Variants in HERC5 observed in about 807,000 individuals in gnomAD.
HERC5 encodes HECT and RLD domain containing E3 ubiquitin protein ligase 5, also known as E3 ISG15--protein ligase HERC5.
A neutral mutation model predicts 119.6 loss-of-function variants in HERC5; 99 were observed. The ratio of observed to expected loss-of-function variants is 0.83; its 90% CI spans 0.70 to 0.98. The LOEUF is 0.98. Among genes scored for constraint, HERC5 ranks in the 50% least tolerant of loss-of-function variants. The pLI is 0.00. For synonymous variants in HERC5, 478 were observed against 445.9 expected (o/e 1.07, Z -0.91); for missense variants, 1,267 against 1,241.3 (o/e 1.02, Z -0.31).
In HERC5 at chr4:88,457,256, C is replaced by T. The variant is rs1438844334; in HGVS notation, c.-14C>T. On this transcript the variant is annotated 5_prime_UTR_variant, in exon 1 of 23. Transcript: ENST00000264350. Reference sequence around the variant, plus strand: ...CTCCTCTCGCCTCTGGGCCTGGGACCCCGCAAAGCGGCGATGGAGCGGAGG... The same window carrying T: ...CTCCTCTCGCCTCTGGGCCTGGGACTCCGCAAAGCGGCGATGGAGCGGAGG... 2 of 1,323,852 alleles carry T rather than the reference C, an allele frequency of 1.5e-6. No individual in the cohort carries two copies. The highest frequency in any genetic ancestry group is 1.5e-5 in the African/African-American group (1 of 64,894). 82.0% of individuals were successfully genotyped at this position (1,323,852 alleles called of 1,614,324 possible). A position where few individuals can be genotyped will look rare whatever the true frequency, so the allele number is the denominator to read the frequency against.
At chr4:88,500,034 GA>G in intron 19 of HERC5, 42 bp downstream of exon 19, 4 of 1,208,600 alleles carry the variant, frequency 3.3e-6, no homozygotes, top group Non-Finnish European at 4.8e-6. Context: ...GTTTTAATCT[GA>G]TTAACCCTTT....
intron 13 of HERC5, among the ~76,000 whole-genome samples, chr4:88,482,414 G>A (rs1240044665): frequency 2.0e-5 from 3 of 152,048 alleles, no homozygotes; most frequent in African/African-American, 7.2e-5. Context: ...ACCAGAAGGG[G>A]TGTCACATGC....
chr4:88,482,628 A>G (rs1419040390), intron 13 of HERC5, among the ~76,000 whole-genome samples: 1 of 152,146 alleles, frequency 6.6e-6, no homozygotes, highest in African/African-American at 2.4e-5. Flanking sequence ...ATGCAGCCCA[A>G]TCTAGAAGGG....
chr4:88,475,999 T>C lies in HERC5; in HGVS notation c.1551T>C (p.Cys517=). Reference sequence around the variant, plus strand: ...TGGTTCCATTTGCAAAGGTTGTTTGTAAAATGAGTGACCAGTCTTCACTGG... The same window carrying C: ...TGGTTCCATTTGCAAAGGTTGTTTGCAAAATGAGTGACCAGTCTTCACTGG... ...SLVVPFAKVV[C]KMSDQSSLVL... Residue 517 remains cysteine, a synonymous_variant, in exon 12 of 23, where the codon TGT becomes TGC. Transcript: ENST00000264350. The C allele has an allele frequency of 6.2e-7, 1 of 1,613,978 alleles. No homozygotes were observed.
rs771762470 is a variant in HERC5 at position 88,463,948 on chromosome 4, C to T, written c.874C>T (p.Leu292Phe). Residue 292 changes from leucine to phenylalanine, a missense_variant, in exon 6 of 23, where the codon CTT becomes TTT. Transcript: ENST00000264350. Reference sequence around the variant, plus strand: ...GCTAAGACCCTGTTTGGTGGCTGAGCTTGTTGGGTATAGAGTGACTCAGAT... The same window carrying T: ...GCTAAGACCCTGTTTGGTGGCTGAGTTTGTTGGGTATAGAGTGACTCAGAT... Reference protein sequence around the residue: ...NELRPCLVAELVGYRVTQIAC... With the variant: ...NELRPCLVAEFVGYRVTQIAC... 2.5e-6 allele frequency: 4 copies of T among 1,613,640 alleles called. No homozygotes were observed. Among genetic ancestry groups the T allele is most frequent in the Non-Finnish European group, 3.4e-6 (4 of 1,179,938 alleles).
At chr4:88,471,981 C>T (rs1428437300) in intron 10 of HERC5, among the ~76,000 whole-genome samples, 1 of 125,722 alleles carries the variant, frequency 8.0e-6, no homozygotes, top group Non-Finnish European at 1.7e-5. Flanking sequence ...TCCCTTCCTT[C>T]TTTCTTTTCT....
At chr4:88,486,741 C>T (rs1166888992) in intron 14 of HERC5, among the ~76,000 whole-genome samples, 1 of 152,178 alleles carries the variant, frequency 6.6e-6, no homozygotes, top group Non-Finnish European at 1.5e-5. Flanking sequence ...ACCAGCTACC[C>T]ATGTTATATC....
rs554005896 is a variant in HERC5 at position 88,457,871 on chromosome 4, G to A, written c.265+337G>A. The A allele has an allele frequency of 1.5e-4, 158 of 1,053,044 alleles. No individual in the cohort carries two copies. In the African/African-American group the frequency reaches 2.3e-3, roughly 15 times the overall value. The allele number at this position is 1,053,044 out of a possible 1,614,324, so 65.2% of individuals were successfully genotyped here. A position where few individuals can be genotyped will look rare whatever the true frequency, so the allele number is the denominator to read the frequency against. Reference sequence around the variant, plus strand: ...TTTGTACCCCCGTCCCCCGCCCGCCGCATCTCCCACTGTCTCGTTTTGAGA... The same window carrying A: ...TTTGTACCCCCGTCCCCCGCCCGCCACATCTCCCACTGTCTCGTTTTGAGA... On this transcript the variant is annotated intron_variant, in intron 1 of 22. Coordinates refer to ENST00000264350, the MANE Select transcript of HERC5 (RefSeq NM_016323.4).
At chr4:88,461,124 G>A (rs2149083850) in intron 3 of HERC5, among the ~76,000 whole-genome samples, 2 of 152,326 alleles carry the variant, frequency 1.3e-5, no homozygotes, top group Middle Eastern at 6.8e-3. Flanking sequence ...TAGAATCTGG[G>A]ATTCAAGGGA....
chr4:88,497,136 A>G (rs910074756), intron 18 of HERC5, among the ~76,000 whole-genome samples: 1 of 152,316 alleles, frequency 6.6e-6, no homozygotes, highest in South Asian at 2.1e-4. Flanking sequence ...GTATTTTGTT[A>G]TGGCAGCGTA....
At chr4:88,474,632 C>T (rs936493820) in intron 11 of HERC5, among the ~76,000 whole-genome samples, 65 of 152,260 alleles carry the variant, frequency 4.3e-4, no homozygotes, top group African/African-American at 1.4e-3. Flanking sequence ...TTACAGATAT[C>T]ACTTAGCCAC....
chr4:88,484,426 C>G (rs1031224333), intron 13 of HERC5, among the ~76,000 whole-genome samples: 1 of 151,010 alleles, frequency 6.6e-6, no homozygotes, highest in Non-Finnish European at 1.5e-5. Flanking sequence ...GAATTTTCTT[C>G]TGCCAGGCTC....
chr4:88,491,860 G>C (rs1035287469), intron 16 of HERC5, among the ~76,000 whole-genome samples: 2 of 152,092 alleles, frequency 1.3e-5, no homozygotes, highest in African/African-American at 2.4e-5. Context: ...AGGGGTGACT[G>C]AAGGAGCAAA....
At chr4:88,497,101 CTATTTA>C (rs1280699710) in intron 18 of HERC5, among the ~76,000 whole-genome samples, 1 of 152,164 alleles carries the variant, frequency 6.6e-6, no homozygotes, top group African/African-American at 2.4e-5. Flanking sequence ...CAATAAATTT[CTATTTA>C]TAGATTACCC....
At chr4:88,457,580 A>G in intron 1 of HERC5, 46 bp downstream of exon 1, 1 of 1,229,034 alleles carries the variant, frequency 8.1e-7, no homozygotes, top group Non-Finnish European at 1.0e-6. Flanking sequence ...GTGAGGGGTG[A>G]GGGCTGAGGG....
chr4:88,458,135 T>C (rs1055283956), intron 1 of HERC5: 1 of 931,868 alleles, frequency 1.1e-6, no homozygotes, highest in Non-Finnish European at 1.3e-6. Flanking sequence ...TTGCCTGGCT[T>C]TTAGAAATTT....
intron 20 of HERC5, among the ~76,000 whole-genome samples, chr4:88,502,211 G>A (rs79154499): frequency 1.3e-5 from 2 of 152,312 alleles, no homozygotes; most frequent in African/African-American, 4.8e-5. Flanking sequence ...CATTTCTGTT[G>A]GTATGTAACT....
At chr4:88,474,575 A>T (rs1372277844) in intron 11 of HERC5, among the ~76,000 whole-genome samples, 3 of 152,224 alleles carry the variant, frequency 2.0e-5, no homozygotes, top group Non-Finnish European at 2.9e-5. Context: ...TAGGAGTCCA[A>T]TATAATGTTT....
chr4:88,502,117 C>A (rs541654195), intron 20 of HERC5, among the ~76,000 whole-genome samples: 44 of 151,820 alleles, frequency 2.9e-4, no homozygotes, highest in African/African-American at 1.1e-3. Context: ...TATTTTTGAC[C>A]GACATAGTGT....
Sources: gnomAD v4.1 joint callset for allele counts (sites outside exome capture counted in the v4.1 genomes callset) on GRCh38, gnomAD v4.1.1 for gene constraint, MANE v1.5 for transcripts, NCBI Gene and HGNC (gene_info 2026-07-23, HGNC 2026-07-21) for gene names.